Variants in CDC42BPA observed in about 807,000 individuals in gnomAD.
CDC42BPA encodes serine/threonine-protein kinase MRCK alpha.
A neutral mutation model predicts 223.5 loss-of-function variants in CDC42BPA; 80 were observed. The observed-to-expected ratio is 0.36, with a 90% CI of 0.30 to 0.43. The LOEUF (loss-of-function observed/expected upper bound fraction) is 0.43, where lower values mean the gene tolerates loss of function less well. CDC42BPA is among the 20% of genes least tolerant of loss of function. The pLI, the probability that CDC42BPA is intolerant of heterozygous loss-of-function variation, is 1.00. For synonymous variants in CDC42BPA, 694 were observed against 718.6 expected, an observed-to-expected ratio of 0.97 and a Z score of 0.55; for missense variants, 1,743 against 2,099.9, an observed-to-expected ratio of 0.83 and a Z score of 3.32.
chr1:227,006,356 T>G (rs1664047574), intron 34 of CDC42BPA, among the ~76,000 whole-genome samples: 1 of 152,182 alleles, frequency 6.6e-6, no homozygotes, highest in South Asian at 2.1e-4. Flanking sequence ...ATGGTGGCTG[T>G]GAGCACAGGC....
At chr1:227,039,566 C>T (rs546795133) in intron 24 of CDC42BPA, among the ~76,000 whole-genome samples, 86 of 152,244 alleles carry the variant, frequency 5.6e-4, no homozygotes, top group Non-Finnish European at 9.1e-4. Context: ...CACATGACCC[C>T]TGACCCTCTC....
chr1:227,019,693 TCTC>T (rs1667012047), intron 32 of CDC42BPA, among the ~76,000 whole-genome samples: 1 of 152,206 alleles, frequency 6.6e-6, no homozygotes, highest in African/African-American at 2.4e-5. Context: ...ATATCATCAA[TCTC>T]CTTGTACATC....
At chr1:227,167,709 AATGTT>A (rs1266966149) in intron 5 of CDC42BPA, among the ~76,000 whole-genome samples, 1 of 152,188 alleles carries the variant, frequency 6.6e-6, no homozygotes, top group East Asian at 1.9e-4. Context: ...AGTTCAAGAC[AATGTT>A]ATAATTTTTG....
chr1:227,248,294 G>A (rs1024775626), intron 2 of CDC42BPA, among the ~76,000 whole-genome samples: 3 of 152,038 alleles, frequency 2.0e-5, no homozygotes, highest in Non-Finnish European at 1.5e-5. Context: ...GTCCAAATTG[G>A]AAAGAAAAAA....
chr1:227,210,181 T>C (rs959693529), intron 3 of CDC42BPA, among the ~76,000 whole-genome samples: 2 of 152,202 alleles, frequency 1.3e-5, no homozygotes, highest in Non-Finnish European at 1.5e-5. Flanking sequence ...GCAATAAACA[T>C]ACGTGTGCAT....
intron 2 of CDC42BPA, among the ~76,000 whole-genome samples, chr1:227,245,284 C>T (rs80324412): frequency 9.9e-4 from 81 of 81,764 alleles, no homozygotes; most frequent in South Asian, 1.2e-3. Context: ...TGTCTTGCAT[C>T]TTTTTTTTTT....
chr1:227,063,083 T>C (rs1016978752), intron 21 of CDC42BPA, among the ~76,000 whole-genome samples: 2 of 152,110 alleles, frequency 1.3e-5, no homozygotes, highest in African/African-American at 4.8e-5. Flanking sequence ...TTAGAAATTG[T>C]CTAATTTTTA....
chr1:227,040,381 G>A, intron 23 of CDC42BPA, 145 bp from the exon 24 acceptor site: 2 of 592,530 alleles, frequency 3.4e-6, no homozygotes, highest in East Asian at 2.8e-5. Context: ...TCTTCTTATA[G>A]TTTATGGTCT....
intron 14 of CDC42BPA, among the ~76,000 whole-genome samples, chr1:227,103,232 A>G (rs890138099): frequency 3.3e-5 from 5 of 152,146 alleles, no homozygotes; most frequent in Admixed American, 6.5e-5. Context: ...CACCCAGAAA[A>G]TACAAATAAA....
intron 4 of CDC42BPA, among the ~76,000 whole-genome samples, chr1:227,198,995 G>A (rs1169673643): frequency 1.3e-5 from 2 of 152,050 alleles, no homozygotes; most frequent in South Asian, 2.1e-4. Context: ...TGATCCTCCC[G>A]CCTTGGCCTC....
At chr1:227,052,841 C>T (rs1673820891) in intron 21 of CDC42BPA, among the ~76,000 whole-genome samples, 1 of 152,112 alleles carries the variant, frequency 6.6e-6, no homozygotes, top group South Asian at 2.1e-4. Context: ...AGAGGGAAGA[C>T]ATGATGATAA....
chr1:227,303,044 AG>A, intron 1 of CDC42BPA, among the ~76,000 whole-genome samples: 1 of 151,318 alleles, frequency 6.6e-6, no homozygotes, highest in South Asian at 2.1e-4. Flanking sequence ...TTCCCTGAAA[AG>A]TATGTTTCAT....
chr1:227,036,352 A>T (rs1467658735), intron 24 of CDC42BPA, among the ~76,000 whole-genome samples: 1 of 149,934 alleles, frequency 6.7e-6, no homozygotes, highest in Non-Finnish European at 1.5e-5. Flanking sequence ...CCTCAAAATG[A>T]TCCTCCTGTC....
chr1:227,306,459 G>A (rs1162391607), intron 1 of CDC42BPA, among the ~76,000 whole-genome samples: 2 of 152,136 alleles, frequency 1.3e-5, no homozygotes, highest in Non-Finnish European at 2.9e-5. Context: ...ACAGCCTCAA[G>A]CAACATAACA....
chr1:227,038,380 G>A (rs1670731957), intron 24 of CDC42BPA, among the ~76,000 whole-genome samples: 1 of 152,132 alleles, frequency 6.6e-6, no homozygotes, highest in Admixed American at 6.5e-5. Context: ...TGTGAGAAGA[G>A]ACAAATACAA....
intron 34 of CDC42BPA, among the ~76,000 whole-genome samples, chr1:227,011,714 A>G (rs1665251536): frequency 6.6e-6 from 1 of 152,222 alleles, no homozygotes; most frequent in Non-Finnish European, 1.5e-5. Context: ...AAAATGAAAT[A>G]ATGTAATATC....
chr1:227,132,905 G>A (rs1196475187), intron 10 of CDC42BPA, among the ~76,000 whole-genome samples: 3 of 149,214 alleles, frequency 2.0e-5, no homozygotes, highest in African/African-American at 5.0e-5. Flanking sequence ...CAACCGCCCC[G>A]ACTGAGAGGT....
At chr1:227,000,093 T>TATAATA (rs10605581) in intron 35 of CDC42BPA, among the ~76,000 whole-genome samples, 100 of 130,664 alleles carry the variant, frequency 7.7e-4, no homozygotes, top group African/African-American at 1.4e-3. Context: ...GAACTTAAAG[T>TATAATA]ATAATAATAA....
chr1:227,296,583 G>A (rs1690672167), intron 1 of CDC42BPA, among the ~76,000 whole-genome samples: 1 of 151,892 alleles, frequency 6.6e-6, no homozygotes, highest in African/African-American at 2.4e-5. Flanking sequence ...TCACATGCCT[G>A]TAATCCCAGC....
Sources: allele counts gnomAD v4.1 joint callset (sites outside exome capture counted in the v4.1 genomes callset), GRCh38; gene constraint gnomAD v4.1.1; transcripts MANE v1.5; gene names NCBI Gene and HGNC (gene_info 2026-07-23, HGNC 2026-07-21).